Variants in MTMR12 observed in about 807,000 individuals in gnomAD.
MTMR12 encodes the protein myotubularin related protein 12.
Under a neutral mutation model 96.7 loss-of-function variants are expected in MTMR12, and 33 were observed. The observed-to-expected ratio is 0.34, with a 90% CI of 0.26 to 0.46. MTMR12 has a LOEUF of 0.46. Among genes scored for constraint, MTMR12 ranks in the 20% least tolerant of loss-of-function variants. The probability of loss-of-function intolerance (pLI) is 1.00; values close to 1 mark genes in which losing one functional copy is unlikely to be tolerated. For synonymous variants in MTMR12, 298 were observed against 327.2 expected, an observed-to-expected ratio of 0.91 and a Z score of 0.96; for missense variants, 721 against 896.1, an observed-to-expected ratio of 0.80 and a Z score of 2.49.
At chr5:32,279,098 AAAAAAAAAAAAAAAAAAG>A (rs1157534300) in intron 1 of MTMR12, among the ~76,000 whole-genome samples, 2 of 100,532 alleles carry the variant, frequency 2.0e-5, no homozygotes, top group African/African-American at 3.6e-5. Flanking sequence ...AAAAAAAAAA[AAAAAAAAAAAAAAAAAAG>A]TAAGTTATGG....
chr5:32,237,517 C>CT (rs146753549), intron 13 of MTMR12, among the ~76,000 whole-genome samples: 46,714 of 149,060 alleles, frequency 0.31, 7,425 homozygotes, highest in Middle Eastern at 0.45. Context: ...GTGCTTTCTT[C>CT]TTTTTTTTTT....
chr5:32,274,282 A>G (rs1172101973), intron 2 of MTMR12, among the ~76,000 whole-genome samples, 160 bp from the exon 3 acceptor site: 3 of 152,234 alleles, frequency 2.0e-5, no homozygotes, highest in Admixed American at 6.5e-5. Context: ...CTGCAAAAAC[A>G]TAAGAGAGAA....
chr5:32,239,251 C>T, intron 12 of MTMR12, 78 bp from the exon 13 acceptor site: 1 of 1,395,128 alleles, frequency 7.2e-7, no homozygotes, highest in Non-Finnish European at 9.5e-7. Context: ...CTCTCACTTG[C>T]ACAGTTAAAA....
chr5:32,299,076 T>TACACACACACGCACACACAC (rs1751035317), intron 1 of MTMR12, among the ~76,000 whole-genome samples: 2 of 149,328 alleles, frequency 1.3e-5, no homozygotes, highest in Admixed American at 1.3e-4. Flanking sequence ...CACATACACA[T>TACACACACACGCACACACAC]ACACACACAC....
At chr5:32,289,741 C>G (rs1034747662) in intron 1 of MTMR12, among the ~76,000 whole-genome samples, 1 of 152,190 alleles carries the variant, frequency 6.6e-6, no homozygotes, top group Admixed American at 6.5e-5. Flanking sequence ...CATAGACATA[C>G]TTAGCAACTG....
intron 15 of MTMR12, among the ~76,000 whole-genome samples, chr5:32,231,084 G>A (rs751320216): frequency 2.0e-5 from 3 of 152,052 alleles, no homozygotes; most frequent in Non-Finnish European, 4.4e-5. Context: ...TTATATTTGG[G>A]GGTGCACTGA....
chr5:32,271,858 G>C lies in MTMR12; in HGVS notation c.333C>G (p.Leu111=), dbSNP rs1749848844. The C allele has an allele frequency of 6.3e-7, 1 of 1,586,940 alleles. No homozygotes were observed. Among genetic ancestry groups the C allele is most frequent in the Non-Finnish European group, 8.6e-7 (1 of 1,162,538 alleles). The change falls in exon 4 of 16, where the codon CTC becomes CTG. Residue 111 remains leucine (L), a synonymous_variant. Coordinates refer to ENST00000382142, the MANE Select transcript of MTMR12 (RefSeq NM_001040446.3). The stretch of plus-strand genomic sequence containing the variant: ...CTCCATAAATCTGATCAACACAGTG[G>C]AGTGTAATGTCATTTTCTCCTATAA... ...NKVIGENDIT[L]HCVDQIYGVF...
chr5:32,311,595 A>C (rs1751599803), intron 1 of MTMR12, among the ~76,000 whole-genome samples: 1 of 152,220 alleles, frequency 6.6e-6, no homozygotes, highest in African/African-American at 2.4e-5. Flanking sequence ...GGCAGAAAAA[A>C]ACCTTTACAG....
At chr5:32,263,771 A>G (rs1473234922) in intron 6 of MTMR12, among the ~76,000 whole-genome samples, 1 of 152,164 alleles carries the variant, frequency 6.6e-6, no homozygotes. Context: ...ACTGAGTTCC[A>G]TTCCTTGGAA....
chr5:32,304,607 T>C (rs966892441), intron 1 of MTMR12, among the ~76,000 whole-genome samples: 1 of 152,220 alleles, frequency 6.6e-6, no homozygotes, highest in Non-Finnish European at 1.5e-5. Context: ...CCCAACATCC[T>C]GTTTAAGATG....
intron 1 of MTMR12, among the ~76,000 whole-genome samples, chr5:32,306,482 C>A (rs916108305): frequency 6.6e-6 from 1 of 151,992 alleles, no homozygotes; most frequent in Non-Finnish European, 1.5e-5. Context: ...AAAGAAATGG[C>A]CTTAAATAAG....
chr5:32,242,607 T>C (rs1466362345), intron 11 of MTMR12, among the ~76,000 whole-genome samples: 1 of 151,860 alleles, frequency 6.6e-6, no homozygotes, highest in African/African-American at 2.4e-5. Context: ...TTCCCAGCTT[T>C]GACTTGTATA....
chr5:32,291,712 C>A (rs1379627520), intron 1 of MTMR12, among the ~76,000 whole-genome samples: 1 of 152,196 alleles, frequency 6.6e-6, no homozygotes, highest in East Asian at 1.9e-4. Context: ...ATCAGCTCAG[C>A]AACATGGACT....
At chr5:32,307,757 A>C (rs1356427489) in intron 1 of MTMR12, among the ~76,000 whole-genome samples, 1 of 152,184 alleles carries the variant, frequency 6.6e-6, no homozygotes, top group Non-Finnish European at 1.5e-5. Context: ...AAAAAAAATA[A>C]GCTCACCGTG....
chr5:32,266,620 G>A (rs1334687358), intron 6 of MTMR12, among the ~76,000 whole-genome samples: 1 of 150,984 alleles, frequency 6.6e-6, no homozygotes, highest in Non-Finnish European at 1.5e-5. Flanking sequence ...CCCAGGAGGT[G>A]GAGGTTGCAG....
At chr5:32,246,539 T>C (rs1252107088) in intron 10 of MTMR12, among the ~76,000 whole-genome samples, 1 of 152,232 alleles carries the variant, frequency 6.6e-6, no homozygotes, top group East Asian at 1.9e-4. Flanking sequence ...AGTTGACTAT[T>C]GTTTCTTCTG....
rs1232012588 is a variant in MTMR12, at chr5:32,312,279, G to A, written c.81+479C>T. On this transcript the variant is annotated intron_variant, in intron 1 of 15. Coordinates refer to ENST00000382142, the MANE Select transcript of MTMR12 (RefSeq NM_001040446.3). This position sits in a 1 kb window ranked among gnomAD's most constrained non-coding sequence, Gnocchi z 5.0. ...GCGCTGACGGGAGGCGGACGTAGGTGCAGGGCATCCCGCCAGCCGCACCCG... is the reference window on the plus strand; with the variant it reads ...GCGCTGACGGGAGGCGGACGTAGGTACAGGGCATCCCGCCAGCCGCACCCG... Among the ~76,000 whole-genome samples, 2 of 152,342 alleles carry A rather than the reference G, an allele frequency of 1.3e-5. No individual in the cohort carries two copies. The highest frequency in any genetic ancestry group is 4.8e-5 in the African/African-American group (2 of 41,586).
intron 1 of MTMR12, among the ~76,000 whole-genome samples, chr5:32,280,176 A>G (rs1274828071): frequency 6.6e-6 from 1 of 152,208 alleles, no homozygotes; most frequent in Non-Finnish European, 1.5e-5. Flanking sequence ...AGAGGTAGAA[A>G]AAGGGTAGGG....
chr5:32,227,073 T>C lies in MTMR12; in HGVS notation c.*2705A>G, dbSNP rs1325718308. The stretch of plus-strand genomic sequence containing the variant: ...TGCAGTGAGATACAAGTATAAACTT[T>C]CATTGTGCATCCAGAAAATAAAAAG... On this transcript the variant is annotated 3_prime_UTR_variant, in exon 16 of 16. Transcript: ENST00000382142. 5 of 152,694 alleles carry C rather than the reference T, an allele frequency of 3.3e-5. No homozygotes were observed. In the East Asian group the frequency reaches 9.6e-4, roughly 29 times the overall value. 9.5% of individuals were successfully genotyped at this position (152,694 alleles called of 1,614,324 possible).
Sources: gnomAD v4.1 joint callset for allele counts (sites outside exome capture counted in the v4.1 genomes callset) on GRCh38, gnomAD v4.1.1 for gene constraint, Gnocchi (gnomAD v3.1) non-coding constraint, MANE v1.5 for transcripts, NCBI Gene and HGNC (gene_info 2026-07-23, HGNC 2026-07-21) for gene names.